CASZ1: variants seen among roughly 807,000 people sequenced by gnomAD.
CASZ1 encodes the protein zinc finger protein castor homolog 1.
In CASZ1, 28 loss-of-function variants were observed where a neutral mutation model predicts 135.2. That is an observed-to-expected ratio of 0.21 (90% CI 0.15 to 0.28). The LOEUF is 0.28. CASZ1 is among the 10% of genes least tolerant of loss of function. The probability of loss-of-function intolerance (pLI) is 1.00; values close to 1 mark genes in which losing one functional copy is unlikely to be tolerated. For missense variants in CASZ1, 2,161 were observed against 2,453.3 expected (o/e 0.88, Z 2.52); for synonymous variants, 1,068 against 1,073.4 (o/e 0.99, Z 0.10).
chr1:10,746,583 C>T (rs1640045610), intron 2 of CASZ1, among the ~76,000 whole-genome samples: 1 of 152,212 alleles, frequency 6.6e-6, no homozygotes, highest in Non-Finnish European at 1.5e-5. Context: ...GCTAAAAAGG[C>T]TGGCAATGCC....
Position 10,643,221 on chromosome 1 carries a change from T to G in CASZ1, c.3959A>C (p.His1320Pro). Residue 1320 changes from histidine (H) to proline (P), a missense_variant, in exon 19 of 21, where the codon CAC becomes CCC. Coordinates refer to ENST00000377022, the MANE Select transcript of CASZ1 (RefSeq NM_001079843.3). ...CATCCTCCGCATGTGCTTCCGCGCGTGGGAGGTCATCTGGTGCTTGAGGAG... is the reference window on the plus strand; with the variant it reads ...CATCCTCCGCATGTGCTTCCGCGCGGGGGAGGTCATCTGGTGCTTGAGGAG... ...SFLLKHQMTS[H>P]ARKHMRRMLG... is the part of the protein sequence containing the mutation. 6.2e-7 allele frequency: 1 copy of G among 1,612,816 alleles called. No homozygotes were observed. Among genetic ancestry groups the G allele is most frequent in the Non-Finnish European group, 8.5e-7 (1 of 1,179,984 alleles).
At chr1:10,685,969 G>A (rs1225480588) in intron 4 of CASZ1, among the ~76,000 whole-genome samples, 3 of 152,232 alleles carry the variant, frequency 2.0e-5, no homozygotes, top group African/African-American at 7.2e-5. Flanking sequence ...AGGGGCAGCT[G>A]CTGGCCTGTC....
rs1639069520 is a variant in CASZ1, at chr1:10,701,908, C to T, written c.-24+3584G>A. On this transcript the variant is annotated intron_variant, in intron 3 of 20. Coordinates refer to ENST00000377022, the MANE Select transcript of CASZ1 (RefSeq NM_001079843.3). This position sits in a 1 kb window ranked among gnomAD's most constrained non-coding sequence, Gnocchi z 6.3. ...ACAAGCCAGGCCTCAGTTTCTCCAC[C>T]TCCCCCGGCCCATCCCCCGTTGGGC... Among the ~76,000 whole-genome samples the T allele has an allele frequency of 6.6e-6, 1 of 152,166 alleles. No homozygotes were observed. The highest frequency in any genetic ancestry group is 2.1e-4 in the South Asian group (1 of 4,826).
rs1639597786 is a variant in CASZ1 at position 10,726,399 on chromosome 1, G to A, written c.-76-20855C>T. On this transcript the variant is annotated intron_variant, in intron 2 of 20. Coordinates refer to ENST00000377022, the MANE Select transcript of CASZ1 (RefSeq NM_001079843.3). This position sits in a 1 kb window ranked among gnomAD's most constrained non-coding sequence, Gnocchi z 5.7. The stretch of plus-strand genomic sequence containing the variant: ...GCCTACTCCGTATCTCCTTTCAGAA[G>A]ATGCTATGAAATACTCATGGCCATC... Among the ~76,000 whole-genome samples the A allele has an allele frequency of 6.6e-6, 1 of 152,230 alleles. No homozygotes were observed. The highest frequency in any genetic ancestry group is 2.1e-4 in the South Asian group (1 of 4,834).
chr1:10,764,193 T>C (rs968434174), intron 1 of CASZ1, among the ~76,000 whole-genome samples: 4 of 152,208 alleles, frequency 2.6e-5, no homozygotes, highest in Non-Finnish European at 5.9e-5. Flanking sequence ...CCATTCTGTT[T>C]AGCTCTTCCC....
In CASZ1 at chr1:10,701,095, TTACAAA is replaced by T. The variant is rs886770731; in HGVS notation, c.-24+4391_-24+4396del. ...GTCCATGGGTGTATACCATTGGTGC[TTACAAA>T]TATCTACTTGGGCCCCTGATGCCAG... On this transcript the variant is annotated intron_variant, in intron 3 of 20. Transcript: ENST00000377022. The surrounding 1 kb of genome is among the most constrained non-coding windows in gnomAD (Gnocchi z 6.3). Among the ~76,000 whole-genome samples the T allele has an allele frequency of 4.6e-5, 7 of 152,282 alleles. No individual in the cohort carries two copies. Among genetic ancestry groups the T allele is most frequent in the African/African-American group, 1.7e-4 (7 of 41,568 alleles).
Position 10,639,120 on chromosome 1 carries a change from T to C in CASZ1, c.5102A>G (p.Asp1701Gly). The change falls in exon 21 of 21, where the codon GAC (aspartate) becomes GGC (glycine). Residue 1701 changes from aspartate (D) to glycine (G), a missense_variant. Physicochemically the swap from Asp to Gly is moderately conservative, Grantham distance 94. This residue lies in a region of CASZ1 where 185 missense variants were observed against 134.7 expected (regional missense o/e 1.37). Transcript: ENST00000377022. The surrounding 1 kb of genome is among the most constrained non-coding windows in gnomAD (Gnocchi z 4.0). ...DDEDEDDDED[D>G]DDEDDDEDDD... Reference sequence around the variant, plus strand: ...GTCCTCGTCGTCGTCCTCGTCGTCGTCGTCCTCGTCGTCGTCCTCGTCCTC... The same window carrying C: ...GTCCTCGTCGTCGTCCTCGTCGTCGCCGTCCTCGTCGTCGTCCTCGTCCTC... 1 of 1,152,882 alleles carries C rather than the reference T, an allele frequency of 8.7e-7. No individual in the cohort carries two copies. Among genetic ancestry groups the C allele is most frequent in the Non-Finnish European group, 1.1e-6 (1 of 914,620 alleles). The allele number at this position is 1,152,882 out of a possible 1,614,324, so 71.4% of individuals were successfully genotyped here.
rs1639476275 is a variant in CASZ1, at chr1:10,720,437, T to G, written c.-76-14893A>C. On this transcript the variant is annotated intron_variant, in intron 2 of 20. Coordinates refer to ENST00000377022, the MANE Select transcript of CASZ1 (RefSeq NM_001079843.3). The surrounding 1 kb of genome is among the most constrained non-coding windows in gnomAD (Gnocchi z 5.7). ...CTCCCACTGTGCTCCCCAAAGAGCC[T>G]GGGGAAGCTCAGAAATGTCTAGAGG... is the stretch of plus-strand genomic sequence containing the variant. Among the ~76,000 whole-genome samples, 1 of 152,118 alleles carries G rather than the reference T, an allele frequency of 6.6e-6. No individual in the cohort carries two copies.
rs1430591129 is a variant in CASZ1 at position 10,739,849 on chromosome 1, G to A, written c.-77+20852C>T. Among the ~76,000 whole-genome samples, 4 of 152,130 alleles carry A rather than the reference G, an allele frequency of 2.6e-5. No homozygotes were observed. The highest frequency in any genetic ancestry group is 1.3e-4 in the Admixed American group (2 of 15,262). On this transcript the variant is annotated intron_variant, in intron 2 of 20. Coordinates refer to ENST00000377022, the MANE Select transcript of CASZ1 (RefSeq NM_001079843.3). The surrounding 1 kb of genome is among the most constrained non-coding windows in gnomAD (Gnocchi z 4.8). ...TCCTTCCCCGCTGAAATGAGTTGAG[G>A]CTGAGACCTGGGAAGCCGCAAGGTG...
chr1:10,662,746 A>C (rs1643092000), intron 5 of CASZ1, among the ~76,000 whole-genome samples: 1 of 152,032 alleles, frequency 6.6e-6, no homozygotes, highest in African/African-American at 2.4e-5. Flanking sequence ...CCACACACTC[A>C]CACACCTCAC....
chr1:10,764,461 C>T (rs747491815), intron 1 of CASZ1, among the ~76,000 whole-genome samples: 13 of 152,372 alleles, frequency 8.5e-5, no homozygotes, highest in Middle Eastern at 3.4e-3. Flanking sequence ...TGCCAAGCAC[C>T]GTGCCAAGTG....
intron 2 of CASZ1, among the ~76,000 whole-genome samples, chr1:10,730,049 A>G (rs1156963895): frequency 6.6e-6 from 1 of 152,128 alleles, no homozygotes; most frequent in Non-Finnish European, 1.5e-5. Flanking sequence ...TCCTGGCCTC[A>G]AGTGATCCAC....
chr1:10,744,762 C>G (rs1270925026), intron 2 of CASZ1, among the ~76,000 whole-genome samples: 1 of 152,112 alleles, frequency 6.6e-6, no homozygotes, highest in Non-Finnish European at 1.5e-5. Context: ...GATGGGCGGG[C>G]AAGGACTGTA....
rs539987297 is a variant in CASZ1, at chr1:10,666,659, C to G, written c.17-1088G>C. On this transcript the variant is annotated intron_variant, in intron 4 of 20. Transcript: ENST00000377022. The surrounding 1 kb of genome is among the most constrained non-coding windows in gnomAD (Gnocchi z 5.2). ...CCTCATGAGGCGACTTGAGAGCCAG[C>G]GACCTCCCTCGCGGCCGCATAGCCC... 6.6e-6 allele frequency among the ~76,000 whole-genome samples: 1 copy of G among 152,176 alleles called. No individual in the cohort carries two copies. The highest frequency in any genetic ancestry group is 2.4e-5 in the African/African-American group (1 of 41,450).
intron 1 of CASZ1, among the ~76,000 whole-genome samples, chr1:10,765,611 G>C (rs1640460843): frequency 6.6e-6 from 1 of 152,142 alleles, no homozygotes; most frequent in South Asian, 2.1e-4. Flanking sequence ...GTCCAGGCTG[G>C]CATCTCACGG....
In CASZ1 at chr1:10,762,363, G is replaced by A. The variant is rs1640394484; in HGVS notation, c.-233-1506C>T. Among the ~76,000 whole-genome samples, 2 of 152,198 alleles carry A rather than the reference G, an allele frequency of 1.3e-5. No individual in the cohort carries two copies. The highest frequency in any genetic ancestry group is 2.9e-5 in the Non-Finnish European group (2 of 68,036). On this transcript the variant is annotated intron_variant, in intron 1 of 20. Coordinates refer to ENST00000377022, the MANE Select transcript of CASZ1 (RefSeq NM_001079843.3). This position sits in a 1 kb window ranked among gnomAD's most constrained non-coding sequence, Gnocchi z 4.1. ...GATTCCTGCCAGGCCCCTAATGTGAGTTTCGTGTGATTTGGGGGAAGTGGA... is the reference window on the plus strand; with the variant it reads ...GATTCCTGCCAGGCCCCTAATGTGAATTTCGTGTGATTTGGGGGAAGTGGA...
intron 4 of CASZ1, among the ~76,000 whole-genome samples, chr1:10,671,050 A>G (rs899065045): frequency 6.6e-6 from 1 of 152,240 alleles, no homozygotes; most frequent in Non-Finnish European, 1.5e-5. Context: ...ATGCTTGGCC[A>G]CTGGGCCCTA....
At position 10,720,035 on chromosome 1, in the gene CASZ1, C is replaced by T. The variant is rs1056264659; in HGVS notation, c.-76-14491G>A. On this transcript the variant is annotated intron_variant, in intron 2 of 20. Coordinates refer to ENST00000377022, the MANE Select transcript of CASZ1 (RefSeq NM_001079843.3). The surrounding 1 kb of genome is among the most constrained non-coding windows in gnomAD (Gnocchi z 5.7). ...ATCAAACCAGGAGCCAGGCGGCTGC[C>T]GGTCCCCACTGCTCTGCCCAGAGGC... Among the ~76,000 whole-genome samples, 2 of 152,360 alleles carry T rather than the reference C, an allele frequency of 1.3e-5. No homozygotes were observed. Among genetic ancestry groups the T allele is most frequent in the East Asian group, 1.9e-4 (1 of 5,178 alleles).
At chr1:10,645,527 CA>C (rs915929449) in intron 17 of CASZ1, among the ~76,000 whole-genome samples, 10 of 151,986 alleles carry the variant, frequency 6.6e-5, no homozygotes, top group African/African-American at 2.4e-4. Flanking sequence ...GAGACTGTCT[CA>C]AAAAAAAGGC....
Sources: gnomAD v4.1 joint callset for allele counts (sites outside exome capture counted in the v4.1 genomes callset) on GRCh38, gnomAD v4.1.1 for gene constraint, gnomAD v4.1.1 regional missense constraint, Gnocchi (gnomAD v3.1) non-coding constraint, MANE v1.5 for transcripts, NCBI Gene and HGNC (gene_info 2026-07-23, HGNC 2026-07-21) for gene names.